Variants in MAGEB2 observed in about 807,000 individuals in gnomAD.
The protein encoded by MAGEB2 is MAGE family member B2.
For missense variants in MAGEB2, 365 were observed against 243.2 expected, an observed-to-expected ratio of 1.50 and a Z score of -3.33; for synonymous variants, 107 against 96.2, an observed-to-expected ratio of 1.11 and a Z score of -0.66.
chrX:30,219,211 A>G lies in MAGEB2; in HGVS notation c.631A>G (p.Ile211Val). The change falls in exon 2 of 2, where the codon ATC (isoleucine) becomes GTC (valine). Residue 211 changes from isoleucine to valine, a missense_variant. Physicochemically the swap from Ile to Val is conservative, Grantham distance 29 (BLOSUM62 3). Transcript: ENST00000378988. ...GCTTCTGATGCCTCTCCTGGGTGTG[A>G]TCTTCTTAAATGGCAACTCAGCTAC... is the stretch of plus-strand genomic sequence containing the variant. Reference protein sequence around the residue: ...RKLLMPLLGVIFLNGNSATEE... With the variant: ...RKLLMPLLGVVFLNGNSATEE... The G allele has an allele frequency of 8.3e-7, 1 of 1,210,519 alleles. No homozygotes were observed. The highest frequency in any genetic ancestry group is 1.1e-6 in the Non-Finnish European group (1 of 894,734).
intron 1 of MAGEB2, among the ~76,000 whole-genome samples, chrX:30,216,603 G>A (rs1382827083): frequency 1.8e-5 from 2 of 111,642 alleles, no homozygotes; most frequent in Admixed American, 1.9e-4. Flanking sequence ...CAGCCTGGCC[G>A]GGCGCGGTGG....
At chrX:30,216,710 C>G (rs891075357) in intron 1 of MAGEB2, among the ~76,000 whole-genome samples, 2 of 94,048 alleles carry the variant, frequency 2.1e-5, no homozygotes, top group Non-Finnish European at 4.3e-5. Flanking sequence ...GAAACCCTGT[C>G]TCTACTAAAA....
chrX:30,218,568 T>C lies in MAGEB2; in HGVS notation c.-5-8T>C. ...TATTCTTCTGCCCACATTTCTTGGT[T>C]TACCCAGCCATCATGCCTCGTGGTC... is the stretch of plus-strand genomic sequence containing the variant. On this transcript the variant is annotated splice_polypyrimidine_tract_variant and splice_region_variant and intron_variant, in intron 1 of 1. Transcript: ENST00000378988. The C allele has an allele frequency of 1.7e-6, 2 of 1,190,307 alleles. No homozygotes were observed. The highest frequency in any genetic ancestry group is 2.3e-6 in the Non-Finnish European group (2 of 884,335).
At position 30,219,183 on chromosome X, in the gene MAGEB2, A is replaced by G. The variant is rs771735549; in HGVS notation, c.603A>G (p.Arg201=). ...SLLSSWDFPR[R]KLLMPLLGVI... is the part of the protein sequence containing the mutation. ...TCAGTTCCTGGGACTTTCCCAGGAGAAAGCTTCTGATGCCTCTCCTGGGTG... is the reference window on the plus strand; with the variant it reads ...TCAGTTCCTGGGACTTTCCCAGGAGGAAGCTTCTGATGCCTCTCCTGGGTG... The change falls in exon 2 of 2, where the codon AGA becomes AGG. Residue 201 remains arginine, a synonymous_variant. Transcript: ENST00000378988. 7.4e-6 allele frequency: 9 copies of G among 1,208,454 alleles called. No homozygotes were observed. Among genetic ancestry groups the G allele is most frequent in the Non-Finnish European group, 8.9e-6 (8 of 894,474 alleles).
Position 30,219,210 on chromosome X carries a change from G to A in MAGEB2, c.630G>A (p.Val210=). ...AGCTTCTGATGCCTCTCCTGGGTGT[G>A]ATCTTCTTAAATGGCAACTCAGCTA... The part of the protein sequence containing the change: ...RRKLLMPLLG[V]IFLNGNSATE... The change falls in exon 2 of 2, where the codon GTG becomes GTA. Residue 210 remains valine, a synonymous_variant. Coordinates refer to ENST00000378988, the MANE Select transcript of MAGEB2 (RefSeq NM_002364.5). 8.3e-7 allele frequency: 1 copy of A among 1,210,955 alleles called. No homozygotes were observed. Among genetic ancestry groups the A allele is most frequent in the Non-Finnish European group, 1.1e-6 (1 of 894,939 alleles).
In MAGEB2 at chrX:30,219,605, C is replaced by T; in HGVS notation, c.*65C>T. The T allele has an allele frequency of 9.9e-7, 1 of 1,013,797 alleles. No homozygotes were observed. The highest frequency in any genetic ancestry group is 1.3e-6 in the Non-Finnish European group (1 of 746,615). The allele number at this position is 1,013,797 out of a possible 1,213,427, so 83.5% of individuals were successfully genotyped here. A position where few individuals can be genotyped will look rare whatever the true frequency, so the allele number is the denominator to read the frequency against. On this transcript the variant is annotated 3_prime_UTR_variant, in exon 2 of 2. Transcript: ENST00000378988. ...AATCAATCTCCCAAAGCCAAGTTTACCTGCTGTTCTCACCCCCAATGAGGT... is the reference window on the plus strand; with the variant it reads ...AATCAATCTCCCAAAGCCAAGTTTATCTGCTGTTCTCACCCCCAATGAGGT...
intron 1 of MAGEB2, among the ~76,000 whole-genome samples, chrX:30,218,045 A>AG (rs2147329750): frequency 9.0e-6 from 1 of 111,516 alleles, no homozygotes; most frequent in South Asian, 3.9e-4. Context: ...ATGAGAGCTG[A>AG]AGACTCTAAT....
In MAGEB2 at chrX:30,219,564, C is replaced by G; in HGVS notation, c.*24C>G. 1 of 1,159,167 alleles carries G rather than the reference C, an allele frequency of 8.6e-7. No individual in the cohort carries two copies. The highest frequency in any genetic ancestry group is 3.0e-5 in the East Asian group (1 of 33,482). On this transcript the variant is annotated 3_prime_UTR_variant, in exon 2 of 2. Coordinates refer to ENST00000378988, the MANE Select transcript of MAGEB2 (RefSeq NM_002364.5). ...GAGCCAGAGTTGTAGCCAGGCCTTG[C>G]ACTACTGCCATAGCCAATCAATCTC... is the stretch of plus-strand genomic sequence containing the variant.
At position 30,218,916 on chromosome X, in the gene MAGEB2, C is replaced by T. The variant is rs781070614; in HGVS notation, c.336C>T (p.Thr112=). ...STKSPSEDPL[T]RKSGSLVQFL... ...AGAGCCCAAGCGAAGATCCTCTAACCAGGAAGTCAGGGTCGTTGGTGCAGT... is the reference window on the plus strand; with the variant it reads ...AGAGCCCAAGCGAAGATCCTCTAACTAGGAAGTCAGGGTCGTTGGTGCAGT... Residue 112 remains threonine, a synonymous_variant, in exon 2 of 2, where the codon ACC becomes ACT. Transcript: ENST00000378988. The T allele has an allele frequency of 8.3e-7, 1 of 1,209,127 alleles. No individual in the cohort carries two copies. Among genetic ancestry groups the T allele is most frequent in the South Asian group, 1.8e-5 (1 of 56,346 alleles).
In MAGEB2 at chrX:30,218,721, G is replaced by T. The variant is rs1177099820; in HGVS notation, c.141G>T (p.Gly47=). ...EAPCCSSSVS[G]GAASSSPAAG... ...CCTGCTGTTCCTCTTCTGTTTCTGG[G>T]GGTGCTGCTTCAAGCTCTCCTGCTG... Residue 47 remains glycine, a synonymous_variant, in exon 2 of 2, where the codon GGG becomes GGT. Coordinates refer to ENST00000378988, the MANE Select transcript of MAGEB2 (RefSeq NM_002364.5). 8.3e-7 allele frequency: 1 copy of T among 1,199,323 alleles called. No individual in the cohort carries two copies. Among genetic ancestry groups the T allele is most frequent in the African/African-American group, 1.8e-5 (1 of 57,027 alleles).
At position 30,219,665 on chromosome X, in the gene MAGEB2, C is replaced by A; in HGVS notation, c.*125C>A. On this transcript the variant is annotated 3_prime_UTR_variant, in exon 2 of 2. Coordinates refer to ENST00000378988, the MANE Select transcript of MAGEB2 (RefSeq NM_002364.5). ...ATTCTTTACTTTGTAATTCAAAAGGCCTGTTAACCTTTGTTCTTGTTATGC... is the reference window on the plus strand; with the variant it reads ...ATTCTTTACTTTGTAATTCAAAAGGACTGTTAACCTTTGTTCTTGTTATGC... The A allele has an allele frequency of 1.7e-6, 1 of 597,513 alleles. No individual in the cohort carries two copies. Among genetic ancestry groups the A allele is most frequent in the Non-Finnish European group, 2.5e-6 (1 of 399,584 alleles). The allele number at this position is 597,513 out of a possible 1,213,427, so 49.2% of individuals were successfully genotyped here. A position where few individuals can be genotyped will look rare whatever the true frequency, so the allele number is the denominator to read the frequency against.
rs977489546 is a variant in MAGEB2, at chrX:30,219,212, T to A, written c.632T>A (p.Ile211Asn). ...CTTCTGATGCCTCTCCTGGGTGTGA[T>A]CTTCTTAAATGGCAACTCAGCTACT... ...RKLLMPLLGV[I>N]FLNGNSATEE... The change falls in exon 2 of 2, where the codon ATC (isoleucine) becomes AAC (asparagine). Residue 211 changes from isoleucine to asparagine, a missense_variant. Coordinates refer to ENST00000378988, the MANE Select transcript of MAGEB2 (RefSeq NM_002364.5). 1 of 1,210,797 alleles carries A rather than the reference T, an allele frequency of 8.3e-7. No homozygotes were observed. The highest frequency in any genetic ancestry group is 1.1e-6 in the Non-Finnish European group (1 of 894,838).
At position 30,219,214 on chromosome X, in the gene MAGEB2, T is replaced by A. The variant is rs1019744871; in HGVS notation, c.634T>A (p.Phe212Ile). 2 of 1,209,174 alleles carry A rather than the reference T, an allele frequency of 1.7e-6. No homozygotes were observed. The highest frequency in any genetic ancestry group is 1.1e-6 in the Non-Finnish European group (1 of 894,690). Residue 212 changes from phenylalanine to isoleucine, a missense_variant, in exon 2 of 2, where the codon TTC becomes ATC. Phe to Ile is a conservative substitution (Grantham distance 21). Transcript: ENST00000378988. ...KLLMPLLGVI[F>I]LNGNSATEEE... ...TCTGATGCCTCTCCTGGGTGTGATC[T>A]TCTTAAATGGCAACTCAGCTACTGA...
In MAGEB2 at chrX:30,219,153, C is replaced by T. The variant is rs1474923943; in HGVS notation, c.573C>T (p.Ser191=). 8.3e-7 allele frequency: 1 copy of T among 1,210,655 alleles called. No individual in the cohort carries two copies. Among genetic ancestry groups the T allele is most frequent in the Admixed American group, 2.2e-5 (1 of 45,982 alleles). The change falls in exon 2 of 2, where the codon TCC becomes TCT. Residue 191 remains serine, a synonymous_variant. Transcript: ENST00000378988. ...AGGTAGACCTCACTGATGAGGAATCCCTGCTCAGTTCCTGGGACTTTCCCA... is the reference window on the plus strand; with the variant it reads ...AGGTAGACCTCACTGATGAGGAATCTCTGCTCAGTTCCTGGGACTTTCCCA... ...IDKVDLTDEE[S]LLSSWDFPRR...
rs1924500237 is a variant in MAGEB2, at chrX:30,219,314, G to A, written c.734G>A (p.Trp245Ter). 1 of 1,209,688 alleles carries A rather than the reference G, an allele frequency of 8.3e-7. No individual in the cohort carries two copies. Among genetic ancestry groups the A allele is most frequent in the Admixed American group, 2.2e-5 (1 of 45,782 alleles). ...GAGCACTCAGTCTTTGGGGAACCCT[G>A]GAAGCTCATCACCAAAGATCTGGTG... Reference protein sequence around the residue: ...GEEHSVFGEPWKLITKDLVQE... With the variant: ...GEEHSVFGEP Residue 245 changes from tryptophan (W) to a stop codon, truncating the protein, a stop_gained, in exon 2 of 2, where the codon TGG (tryptophan) becomes TAG (stop). Coordinates refer to ENST00000378988, the MANE Select transcript of MAGEB2 (RefSeq NM_002364.5). LOFTEE classifies it low-confidence loss of function (END_TRUNC).
Position 30,219,690 on chromosome X carries a change from C to A in MAGEB2, c.*150C>A. 1 of 438,981 alleles carries A rather than the reference C, an allele frequency of 2.3e-6. No individual in the cohort carries two copies. Among genetic ancestry groups the A allele is most frequent in the Non-Finnish European group, 3.6e-6 (1 of 274,008 alleles). The allele number at this position is 438,981 out of a possible 1,213,427, so 36.2% of individuals were successfully genotyped here. A position where few individuals can be genotyped will look rare whatever the true frequency, so the allele number is the denominator to read the frequency against. ...CCTGTTAACCTTTGTTCTTGTTATG[C>A]ATGAATAACTTGTTGACTTTTTTTT... On this transcript the variant is annotated 3_prime_UTR_variant, in exon 2 of 2. Coordinates refer to ENST00000378988, the MANE Select transcript of MAGEB2 (RefSeq NM_002364.5).
chrX:30,217,670 C>T (rs749164974), intron 1 of MAGEB2, among the ~76,000 whole-genome samples: 21 of 112,094 alleles, frequency 1.9e-4, no homozygotes, highest in African/African-American at 6.8e-4. Flanking sequence ...TTTGGGAAGA[C>T]CACATTTGGT....
chrX:30,218,479 T>TG, intron 1 of MAGEB2, 97 bp from the exon 2 acceptor site: 1 of 1,093,031 alleles, frequency 9.1e-7, no homozygotes. Flanking sequence ...AAAGCTAAGA[T>TG]GGGGTCTTCC....
intron 1 of MAGEB2, among the ~76,000 whole-genome samples, chrX:30,216,068 C>T (rs1390680336): frequency 1.8e-5 from 2 of 110,270 alleles, no homozygotes; most frequent in East Asian, 5.8e-4. Context: ...TGCTTCTGCT[C>T]ATATGGCATC....
Sources: allele counts gnomAD v4.1 joint callset (sites outside exome capture counted in the v4.1 genomes callset), GRCh38; gene constraint gnomAD v4.1.1; transcripts MANE v1.5; gene names NCBI Gene and HGNC (gene_info 2026-07-23, HGNC 2026-07-21).